Variants in NR5A2 observed in about 807,000 individuals in gnomAD.
The protein encoded by NR5A2 is nuclear receptor subfamily 5 group A member 2.
A neutral mutation model predicts 62.7 loss-of-function variants in NR5A2; 26 were observed. The observed-to-expected ratio is 0.41, with a 90% CI of 0.30 to 0.58. NR5A2 has a LOEUF of 0.58. NR5A2 is among the 20% of genes least tolerant of loss of function. NR5A2 has a pLI of 0.22. For synonymous variants in NR5A2, 246 were observed against 241.7 expected (o/e 1.02, Z -0.16); for missense variants, 541 against 669.1 (o/e 0.81, Z 2.11).
intron 5 of NR5A2, among the ~76,000 whole-genome samples, chr1:200,084,423 GAAC>G (rs1442983017): frequency 6.6e-6 from 1 of 152,024 alleles, no homozygotes; most frequent in East Asian, 1.9e-4. Context: ...GGGAAAAAAA[GAAC>G]AATAATGATT....
At chr1:200,083,967 AAATAATAATAATAATAAT>A (rs149200240) in intron 5 of NR5A2, among the ~76,000 whole-genome samples, 123 of 142,714 alleles carry the variant, frequency 8.6e-4, no homozygotes, top group African/African-American at 2.9e-3. Context: ...CTCCATCTCA[AAATAATAATAATAATAAT>A]AATAATAATA....
At chr1:200,058,395 C>G (rs1663024197) in intron 5 of NR5A2, 1 of 152,130 alleles carries the variant, frequency 6.6e-6, no homozygotes, top group South Asian at 2.1e-4. Context: ...TCCAACAGGT[C>G]TTAAAGGACT....
chr1:200,109,405 TC>T (rs1209141776), intron 5 of NR5A2, among the ~76,000 whole-genome samples: 1 of 152,200 alleles, frequency 6.6e-6, no homozygotes, highest in Non-Finnish European at 1.5e-5. Context: ...GGCTTTCCCA[TC>T]CATTATCTCA....
Position 200,174,206 on chromosome 1 carries a change from C to G in NR5A2, c.1622C>G (p.Ala541Gly). 1.9e-6 allele frequency: 3 copies of G among 1,575,266 alleles called. No individual in the cohort carries two copies. The highest frequency in any genetic ancestry group is 2.6e-6 in the Non-Finnish European group (3 of 1,158,178). The change falls in exon 8 of 8, where the codon GCA (alanine) becomes GGA (glycine). Residue 541 changes from alanine (A) to glycine (G), a missense_variant. Around this residue, in one of 3 missense-constraint regions of NR5A2, gnomAD observed 379 missense variants for 442.0 expected, o/e 0.86. Coordinates refer to ENST00000367362, the MANE Select transcript of NR5A2 (RefSeq NM_205860.3). ...ATTGAAATGTTGCATGCCAAAAGAG[C>G]ATAAGTTACAACCCCTAGGAGCTCT... is the stretch of plus-strand genomic sequence containing the variant. ...LLIEMLHAKR[A>G]
intron 7 of NR5A2, among the ~76,000 whole-genome samples, chr1:200,158,898 A>C (rs1010004251): frequency 2.4e-5 from 3 of 125,934 alleles, no homozygotes; most frequent in Admixed American, 1.5e-4. Flanking sequence ...AATATGTTTG[A>C]TTCTTTTTTT....
intron 7 of NR5A2, among the ~76,000 whole-genome samples, chr1:200,144,233 TCACA>T (rs60365337): frequency 3.6e-4 from 29 of 79,998 alleles, no homozygotes; most frequent in South Asian, 1.4e-3. Flanking sequence ...TCTCTCTCTC[TCACA>T]CACACACACA....
chr1:200,042,440 G>GATGGGGT (rs1662147829), intron 2 of NR5A2, among the ~76,000 whole-genome samples: 1 of 152,232 alleles, frequency 6.6e-6, no homozygotes, highest in Non-Finnish European at 1.5e-5. Context: ...ATACTGTGGC[G>GATGGGGT]GAGGACTTTG....
intron 5 of NR5A2, among the ~76,000 whole-genome samples, chr1:200,082,469 C>T (rs1485861860): frequency 5.9e-5 from 9 of 152,062 alleles, no homozygotes; most frequent in African/African-American, 1.2e-4. Flanking sequence ...ATTTGGTTCA[C>T]GTTTTTCATT....
intron 5 of NR5A2, among the ~76,000 whole-genome samples, chr1:200,099,080 C>T (rs1665243631): frequency 6.6e-6 from 1 of 152,126 alleles, no homozygotes; most frequent in Non-Finnish European, 1.5e-5. Context: ...ATTAAGGGGA[C>T]ATTTAAATTG....
At chr1:200,094,180 TG>T (rs112618311) in intron 5 of NR5A2, among the ~76,000 whole-genome samples, 47,309 of 148,712 alleles carry the variant, frequency 0.32, 8,406 homozygotes, top group East Asian at 0.52. Flanking sequence ...AAAAAAAAAT[TG>T]GTTTTTTTTT....
intron 5 of NR5A2, among the ~76,000 whole-genome samples, chr1:200,083,566 T>C (rs1664389172): frequency 6.6e-6 from 1 of 152,230 alleles, no homozygotes; most frequent in Non-Finnish European, 1.5e-5. Context: ...GTGTGTATCG[T>C]AAAGACCTAC....
At chr1:200,169,722 G>A (rs546575776) in intron 7 of NR5A2, among the ~76,000 whole-genome samples, 6 of 152,274 alleles carry the variant, frequency 3.9e-5, no homozygotes, top group African/African-American at 7.2e-5. Flanking sequence ...AAATGCTCTC[G>A]CCAGTCATCA....
intron 5 of NR5A2, among the ~76,000 whole-genome samples, chr1:200,085,182 C>G (rs1397624042): frequency 1.3e-5 from 2 of 152,192 alleles, no homozygotes; most frequent in Non-Finnish European, 2.9e-5. Flanking sequence ...GTTTTAGGCT[C>G]TGTGTCCTCA....
chr1:200,030,661 A>G lies in NR5A2; in HGVS notation c.64+2750A>G, dbSNP rs115524175. ...CCATATCTGTGTGGTAGGAAATGTT[A>G]TACATAAAACAAATATTTATTGACC... is the stretch of plus-strand genomic sequence containing the variant. On this transcript the variant is annotated intron_variant, in intron 1 of 7. Transcript: ENST00000367362. Among the ~76,000 whole-genome samples the G allele has an allele frequency of 3.2e-3, 491 of 152,362 alleles. 6 individuals carry two copies. The highest frequency in any genetic ancestry group is 0.01 in the African/African-American group (433 of 41,578).
intron 4 of NR5A2, among the ~76,000 whole-genome samples, chr1:200,046,536 T>A (rs1401520855): frequency 6.6e-6 from 1 of 152,136 alleles, no homozygotes; most frequent in Non-Finnish European, 1.5e-5. Flanking sequence ...ATGGAACTCA[T>A]ACTTGATAGA....
intron 5 of NR5A2, among the ~76,000 whole-genome samples, chr1:200,052,626 GA>G (rs1374158353): frequency 2.6e-5 from 4 of 151,832 alleles, no homozygotes; most frequent in Non-Finnish European, 5.9e-5. Context: ...AGGCAATTTT[GA>G]AATGACCTCT....
At chr1:200,131,816 C>A (rs1348728404) in intron 7 of NR5A2, among the ~76,000 whole-genome samples, 1 of 152,146 alleles carries the variant, frequency 6.6e-6, no homozygotes, top group Non-Finnish European at 1.5e-5. Flanking sequence ...TGATAAAAAT[C>A]TGATAAGTCT....
intron 7 of NR5A2, among the ~76,000 whole-genome samples, chr1:200,166,505 A>G (rs1229100425): frequency 2.6e-5 from 4 of 152,232 alleles, no homozygotes; most frequent in African/African-American, 4.8e-5. Context: ...TCTGAAAACC[A>G]TTCATTCGCA....
intron 7 of NR5A2, among the ~76,000 whole-genome samples, chr1:200,162,620 T>C (rs961002225): frequency 2.6e-5 from 4 of 152,082 alleles, no homozygotes; most frequent in African/African-American, 9.7e-5. Context: ...AGGAATCAGT[T>C]ATAAGGAACA....
Sources: gnomAD v4.1 joint callset for allele counts (sites outside exome capture counted in the v4.1 genomes callset) on GRCh38, gnomAD v4.1.1 for gene constraint, gnomAD v4.1.1 regional missense constraint, MANE v1.5 for transcripts, NCBI Gene and HGNC (gene_info 2026-07-23, HGNC 2026-07-21) for gene names.